ANKS1B: variants seen among roughly 807,000 people sequenced by gnomAD.
The protein encoded by ANKS1B is ankyrin repeat and sterile alpha motif domain containing 1B.
A neutral mutation model predicts 148.3 loss-of-function variants in ANKS1B; 36 were observed. The observed-to-expected ratio is 0.24, with a 90% CI of 0.19 to 0.32. The LOEUF (loss-of-function observed/expected upper bound fraction) is 0.32. Ranked by LOEUF, ANKS1B falls within the 10% of genes least tolerant of loss-of-function variation. ANKS1B has a pLI of 1.00. For synonymous variants in ANKS1B, 542 were observed against 560.8 expected (o/e 0.97, Z 0.47); for missense variants, 1,157 against 1,542.6 (o/e 0.75, Z 4.19).
At chr12:99,056,662 C>T (rs1249118255) in intron 16 of ANKS1B, among the ~76,000 whole-genome samples, 1 of 152,164 alleles carries the variant, frequency 6.6e-6, no homozygotes, top group Non-Finnish European at 1.5e-5. Flanking sequence ...ATTGTGTACC[C>T]AATAAATGTA....
At chr12:99,824,327 C>T (rs556495183) in intron 2 of ANKS1B, among the ~76,000 whole-genome samples, 1 of 151,820 alleles carries the variant, frequency 6.6e-6, no homozygotes, top group Admixed American at 6.6e-5. Flanking sequence ...TGGTGAAACC[C>T]CGTCTCTACT....
At chr12:99,701,175 G>A (rs1055084550) in intron 8 of ANKS1B, among the ~76,000 whole-genome samples, 1 of 152,150 alleles carries the variant, frequency 6.6e-6, no homozygotes, top group Non-Finnish European at 1.5e-5. Context: ...TCTCTTGGTT[G>A]TGCCACCACT....
intron 8 of ANKS1B, among the ~76,000 whole-genome samples, chr12:99,677,980 A>T (rs2098590274): frequency 6.6e-6 from 1 of 152,176 alleles, no homozygotes; most frequent in Admixed American, 6.5e-5. Context: ...CTCAAAAAAA[A>T]ATTTTTTTTC....
At chr12:98,859,093 T>C (rs775084022) in intron 17 of ANKS1B, among the ~76,000 whole-genome samples, 25 of 152,324 alleles carry the variant, frequency 1.6e-4, no homozygotes, top group Middle Eastern at 3.4e-3. Flanking sequence ...GAAGACATTC[T>C]TGCCCTTGTG....
At chr12:99,568,262 T>C (rs1463486777) in intron 9 of ANKS1B, among the ~76,000 whole-genome samples, 1 of 152,158 alleles carries the variant, frequency 6.6e-6, no homozygotes, top group Non-Finnish European at 1.5e-5. Context: ...GGCCTCTTCC[T>C]CTACCTTCAA....
intron 25 of ANKS1B, among the ~76,000 whole-genome samples, chr12:98,772,063 T>C (rs965343236): frequency 6.6e-6 from 1 of 152,198 alleles, no homozygotes; most frequent in Non-Finnish European, 1.5e-5. Flanking sequence ...GTTGAGATAC[T>C]AGGTAGGGCT....
chr12:99,551,015 C>T (rs2097212691), intron 9 of ANKS1B, among the ~76,000 whole-genome samples: 1 of 152,142 alleles, frequency 6.6e-6, no homozygotes, highest in African/African-American at 2.4e-5. Context: ...TGGTAAAACC[C>T]TGGCATCCTA....
At chr12:99,395,071 T>TA (rs1351346239) in intron 12 of ANKS1B, among the ~76,000 whole-genome samples, 1 of 152,154 alleles carries the variant, frequency 6.6e-6, no homozygotes. Flanking sequence ...GGATCTGCCT[T>TA]AAAAATATGT....
chr12:99,083,724 A>T (rs1218226249), intron 16 of ANKS1B: 1 of 152,100 alleles, frequency 6.6e-6, no homozygotes, highest in Non-Finnish European at 1.5e-5. Flanking sequence ...ATCCCATTGG[A>T]TTTTAAATGT....
At chr12:99,541,422 T>G (rs1245392150) in intron 9 of ANKS1B, among the ~76,000 whole-genome samples, 1 of 152,118 alleles carries the variant, frequency 6.6e-6, no homozygotes, top group Non-Finnish European at 1.5e-5. Context: ...ACAAAATAAT[T>G]ATATATCATG....
chr12:99,635,840 T>C (rs2153410238), intron 9 of ANKS1B, among the ~76,000 whole-genome samples: 1 of 152,232 alleles, frequency 6.6e-6, no homozygotes, highest in African/African-American at 2.4e-5. Context: ...AGCTGGATTA[T>C]TCGATAAATG....
At chr12:99,780,105 C>A in intron 5 of ANKS1B, 133 bp from the exon 6 acceptor site, 3 of 655,820 alleles carry the variant, frequency 4.6e-6, no homozygotes, top group Admixed American at 3.0e-5. Flanking sequence ...AAATTAAGTT[C>A]TACACACACA....
At chr12:98,842,755 C>T (rs575173074) in intron 17 of ANKS1B, among the ~76,000 whole-genome samples, 117 of 152,334 alleles carry the variant, frequency 7.7e-4, no homozygotes, top group African/African-American at 2.8e-3. Context: ...GCAACATATA[C>T]ACTGCAGGAT....
At chr12:99,747,145 A>G (rs2060671336) in intron 8 of ANKS1B, among the ~76,000 whole-genome samples, 1 of 152,038 alleles carries the variant, frequency 6.6e-6, no homozygotes, top group African/African-American at 2.4e-5. Flanking sequence ...TAATTCCACA[A>G]TCAAATCTCT....
At chr12:99,969,888 G>T (rs1306513166) in intron 1 of ANKS1B, among the ~76,000 whole-genome samples, 1 of 152,092 alleles carries the variant, frequency 6.6e-6, no homozygotes, top group Admixed American at 6.5e-5. Context: ...GTAACTCTGG[G>T]CAAGTTATTC....
intron 17 of ANKS1B, among the ~76,000 whole-genome samples, chr12:98,989,044 C>T (rs1323838542): frequency 6.6e-6 from 1 of 152,138 alleles, no homozygotes; most frequent in Non-Finnish European, 1.5e-5. Context: ...CAAATATTTT[C>T]TCACACTCTG....
At chr12:98,959,720 T>A (rs2153126782) in intron 17 of ANKS1B, among the ~76,000 whole-genome samples, 1 of 152,300 alleles carries the variant, frequency 6.6e-6, no homozygotes, top group Non-Finnish European at 1.5e-5. Flanking sequence ...ATGGCATTTC[T>A]GGACTTGCCC....
At chr12:99,842,239 T>C (rs892592902) in intron 1 of ANKS1B, among the ~76,000 whole-genome samples, 8 of 152,180 alleles carry the variant, frequency 5.3e-5, no homozygotes, top group African/African-American at 1.7e-4. Flanking sequence ...TTTAAATTTA[T>C]CAATGCTTAG....
chr12:99,677,928 G>A lies in ANKS1B; in HGVS notation c.1129-22718C>T, dbSNP rs146403444. On this transcript the variant is annotated intron_variant, in intron 8 of 26. Transcript: ENST00000683438. Reference sequence around the variant, plus strand: ...GTGGCGGTTGCAGTGAGCTGAGACTGCACCACTGCATTCCAGCATGGACAA... The same window carrying A: ...GTGGCGGTTGCAGTGAGCTGAGACTACACCACTGCATTCCAGCATGGACAA... 1.4e-3 allele frequency among the ~76,000 whole-genome samples: 212 copies of A among 152,286 alleles called. 1 individual carries two copies. The highest frequency in any genetic ancestry group is 4.9e-3 in the African/African-American group (203 of 41,574).
Sources: gnomAD v4.1 joint callset for allele counts (sites outside exome capture counted in the v4.1 genomes callset) on GRCh38, gnomAD v4.1.1 for gene constraint, MANE v1.5 for transcripts, NCBI Gene and HGNC (gene_info 2026-07-23, HGNC 2026-07-21) for gene names.